UNC13C: variants seen among roughly 807,000 people sequenced by gnomAD.
UNC13C encodes protein unc-13 homolog C.
Under a neutral mutation model 245.4 loss-of-function variants are expected in UNC13C, and 174 were observed. That is an observed-to-expected ratio of 0.71 (90% CI 0.63 to 0.80). UNC13C has a LOEUF of 0.80. Among genes scored for constraint, UNC13C ranks in the 30% least tolerant of loss-of-function variants. The pLI is 0.00. For missense variants in UNC13C, 2,829 were observed against 2,602.9 expected, an observed-to-expected ratio of 1.09 and a Z score of -1.89; for synonymous variants, 992 against 895.1, an observed-to-expected ratio of 1.11 and a Z score of -1.93.
the UNC13C span, among the ~76,000 whole-genome samples, chr15:53,961,851 A>T: frequency 6.6e-6 from 1 of 152,188 alleles, no homozygotes; most frequent in Non-Finnish European, 1.5e-5. Flanking sequence ...AGCATGAGAA[A>T]TCTACAAACC....
At chr15:54,332,384 C>G (rs980826383) in intron 15 of UNC13C, among the ~76,000 whole-genome samples, 3 of 149,772 alleles carry the variant, frequency 2.0e-5, no homozygotes, top group Non-Finnish European at 4.4e-5. Context: ...TTAAAATAGC[C>G]ATCAGATTCA....
At chr15:54,228,850 T>C (rs1260813767) in intron 4 of UNC13C, among the ~76,000 whole-genome samples, 1 of 152,224 alleles carries the variant, frequency 6.6e-6, no homozygotes, top group Non-Finnish European at 1.5e-5. Context: ...AAAGTCTCCC[T>C]GAGCCACCTA....
At chr15:54,383,624 C>T (rs548664244) in intron 17 of UNC13C, among the ~76,000 whole-genome samples, 8 of 152,124 alleles carry the variant, frequency 5.3e-5, no homozygotes, top group East Asian at 3.9e-4. Context: ...GAAAAATGCC[C>T]GCTCTCACCA....
intron 2 of UNC13C, among the ~76,000 whole-genome samples, chr15:54,053,262 C>T (rs907146578): frequency 6.6e-6 from 1 of 152,056 alleles, no homozygotes; most frequent in Non-Finnish European, 1.5e-5. Flanking sequence ...GAACTCCTGA[C>T]CTCAAGTGAT....
intron 7 of UNC13C, among the ~76,000 whole-genome samples, chr15:54,241,389 G>A (rs1238690101): frequency 6.6e-6 from 1 of 152,116 alleles, no homozygotes; most frequent in East Asian, 1.9e-4. Context: ...GGAGAAAACT[G>A]CTCAGAACAC....
chr15:54,075,989 G>C (rs1293583417), intron 2 of UNC13C, among the ~76,000 whole-genome samples: 1 of 149,842 alleles, frequency 6.7e-6, no homozygotes, highest in African/African-American at 2.4e-5. Context: ...CACACAGCTA[G>C]TTGATTGCAG....
chr15:54,140,021 G>A (rs2031938109), intron 2 of UNC13C, among the ~76,000 whole-genome samples: 1 of 151,890 alleles, frequency 6.6e-6, no homozygotes, highest in Non-Finnish European at 1.5e-5. Context: ...ATTATATTTT[G>A]TGTTTCACTT....
chr15:54,598,153 T>C (rs955000596), intron 30 of UNC13C, among the ~76,000 whole-genome samples: 10 of 152,188 alleles, frequency 6.6e-5, no homozygotes, highest in Non-Finnish European at 1.5e-4. Flanking sequence ...CACGCTGGAA[T>C]ACCATCTTGG....
chr15:54,376,127 A>G (rs192068407), intron 17 of UNC13C, among the ~76,000 whole-genome samples: 15 of 152,320 alleles, frequency 9.8e-5, no homozygotes, highest in African/African-American at 3.6e-4. Context: ...TTCATGTAGT[A>G]TCTAGTAGTA....
chr15:54,447,609 G>A (rs1424752532), intron 19 of UNC13C, among the ~76,000 whole-genome samples: 5 of 152,064 alleles, frequency 3.3e-5, no homozygotes, highest in African/African-American at 9.7e-5. Context: ...CTGTGGGATC[G>A]ATGGTGATAT....
intron 20 of UNC13C, among the ~76,000 whole-genome samples, chr15:54,496,625 AC>A (rs1893960709): frequency 6.6e-6 from 1 of 152,150 alleles, no homozygotes; most frequent in African/African-American, 2.4e-5. Flanking sequence ...ACCATGGAAT[AC>A]TACTCAGCCA....
chr15:53,894,200 C>T, the UNC13C span, among the ~76,000 whole-genome samples: 4 of 152,234 alleles, frequency 2.6e-5, no homozygotes, highest in Non-Finnish European at 4.4e-5. Flanking sequence ...GTGAGATGAA[C>T]TGGATACCTC....
chr15:54,490,777 G>A (rs1247984620), intron 19 of UNC13C, among the ~76,000 whole-genome samples: 1 of 151,884 alleles, frequency 6.6e-6, no homozygotes, highest in Non-Finnish European at 1.5e-5. Flanking sequence ...TGGAAACATA[G>A]TTACATAATT....
chr15:54,204,317 A>C (rs568209307), intron 4 of UNC13C, among the ~76,000 whole-genome samples: 1 of 151,038 alleles, frequency 6.6e-6, no homozygotes, highest in South Asian at 2.1e-4. Flanking sequence ...AAAAAAAAAA[A>C]AAAACCAAAA....
At chr15:53,891,043 C>T in the UNC13C span, among the ~76,000 whole-genome samples, 1,162 of 152,198 alleles carry the variant, frequency 7.6e-3, 11 homozygotes, top group South Asian at 0.012. Context: ...AAATGTGTCC[C>T]GGAGATTCTG....
intron 1 of UNC13C, among the ~76,000 whole-genome samples, chr15:54,008,885 C>T (rs1895257182): frequency 6.6e-6 from 1 of 152,186 alleles, no homozygotes; most frequent in South Asian, 2.1e-4. Flanking sequence ...ATCTCTTTAT[C>T]TCTTTGAATC....
rs1210562113 is a variant in UNC13C at position 54,181,411 on chromosome 15, A to G, written c.3071+37727A>G. Among the ~76,000 whole-genome samples, 5 of 151,908 alleles carry G rather than the reference A, an allele frequency of 3.3e-5. No individual in the cohort carries two copies. The South Asian group carries it at 6.2e-4, about 19-fold the overall frequency. On this transcript the variant is annotated intron_variant, in intron 4 of 32. Coordinates refer to ENST00000260323, the MANE Select transcript of UNC13C (RefSeq NM_001080534.3). ...GCTTTGGTAGTTGTGGCTTTATAGT[A>G]TAGTTTGAAGGCAGGTAGTATAATG...
chr15:53,997,121 G>C lies in UNC13C; in HGVS notation c.-256-15527G>C, dbSNP rs150613737. Among the ~76,000 whole-genome samples, 582 of 152,174 alleles carry C rather than the reference G, an allele frequency of 3.8e-3. 5 individuals carry two copies. Among genetic ancestry groups the C allele is most frequent in the African/African-American group, 0.013 (561 of 41,556 alleles). On this transcript the variant is annotated intron_variant, in intron 1 of 32. Transcript: ENST00000260323. ...TTAGCCATTTTCATCTGTATGAAAT[G>C]ATATCTCATTTTGATGTTTTTATTT...
chr15:53,975,868 T>C (rs867032785), upstream of UNC13C, among the ~76,000 whole-genome samples: 1 of 152,160 alleles, frequency 6.6e-6, no homozygotes, highest in Non-Finnish European at 1.5e-5. Flanking sequence ...CATCTATAAG[T>C]TTTGAGGCAT....
Sources: gnomAD v4.1 joint callset for allele counts (sites outside exome capture counted in the v4.1 genomes callset) on GRCh38, gnomAD v4.1.1 for gene constraint, MANE v1.5 for transcripts, NCBI Gene and HGNC (gene_info 2026-07-23, HGNC 2026-07-21) for gene names.